The following MSRB3 variants were observed in gnomAD, a reference collection of about 807,000 sequenced individuals.
MSRB3 encodes methionine sulfoxide reductase B3, also known as methionine-R-sulfoxide reductase B3.
A neutral mutation model predicts 21.0 loss-of-function variants in MSRB3; 13 were observed. That is an observed-to-expected ratio of 0.62 (90% CI 0.40 to 0.98). The LOEUF (loss-of-function observed/expected upper bound fraction) is 0.98. MSRB3 is among the 50% of genes least tolerant of loss of function. The pLI is 0.00. For missense variants in MSRB3, 199 were observed against 230.3 expected, an observed-to-expected ratio of 0.86 and a Z score of 0.88; for synonymous variants, 87 against 88.6, an observed-to-expected ratio of 0.98 and a Z score of 0.10.
At chr12:65,295,193 G>T (rs930002867) in intron 1 of MSRB3, among the ~76,000 whole-genome samples, 2 of 152,092 alleles carry the variant, frequency 1.3e-5, no homozygotes, top group Non-Finnish European at 2.9e-5. Context: ...CCTTGAAAAA[G>T]TATCTAAAAA....
chr12:65,329,069 T>A (rs1451582780), intron 4 of MSRB3, among the ~76,000 whole-genome samples: 1 of 152,214 alleles, frequency 6.6e-6, no homozygotes, highest in Non-Finnish European at 1.5e-5. Flanking sequence ...GGAACATACC[T>A]TTACATAGGT....
chr12:65,432,817 G>A (rs10784457), intron 5 of MSRB3, among the ~76,000 whole-genome samples: 78,625 of 151,654 alleles, frequency 0.52, 21,182 homozygotes, highest in Non-Finnish European at 0.62. Flanking sequence ...CAATGTGAGC[G>A]TTTTTATGCA....
At chr12:65,426,424 T>C (rs1881603047) in intron 5 of MSRB3, among the ~76,000 whole-genome samples, 1 of 152,184 alleles carries the variant, frequency 6.6e-6, no homozygotes, top group African/African-American at 2.4e-5. Flanking sequence ...TAGCCTTATT[T>C]GAACTCCCTT....
intron 5 of MSRB3, among the ~76,000 whole-genome samples, chr12:65,449,779 A>G (rs1056908725): frequency 6.6e-6 from 1 of 152,214 alleles, no homozygotes; most frequent in African/African-American, 2.4e-5. Flanking sequence ...GGGAAGTGGA[A>G]GCTGTATAGC....
At chr12:65,370,844 T>TA (rs1878277737) in intron 5 of MSRB3, among the ~76,000 whole-genome samples, 1 of 152,218 alleles carries the variant, frequency 6.6e-6, no homozygotes, top group African/African-American at 2.4e-5. Flanking sequence ...GAATACTGAT[T>TA]AAAAGTTTAT....
At chr12:65,427,882 T>C (rs1201218156) in intron 5 of MSRB3, among the ~76,000 whole-genome samples, 2 of 152,110 alleles carry the variant, frequency 1.3e-5, no homozygotes, top group Non-Finnish European at 2.9e-5. Flanking sequence ...GGTTCTGGAG[T>C]ACAAATTAGC....
At chr12:65,331,001 T>C (rs934186589) in intron 4 of MSRB3, among the ~76,000 whole-genome samples, 2 of 152,222 alleles carry the variant, frequency 1.3e-5, no homozygotes, top group Non-Finnish European at 2.9e-5. Flanking sequence ...GTTGATTAAT[T>C]TGACAGTGAG....
chr12:65,281,392 C>G (rs949698950), intron 1 of MSRB3, among the ~76,000 whole-genome samples: 1 of 152,154 alleles, frequency 6.6e-6, no homozygotes, highest in Non-Finnish European at 1.5e-5. Context: ...TGTAACTCTT[C>G]AGAGCCACCT....
intron 5 of MSRB3, among the ~76,000 whole-genome samples, chr12:65,407,900 A>G (rs558098920): frequency 6.7e-5 from 10 of 148,638 alleles, no homozygotes; most frequent in Admixed American, 1.3e-4. Context: ...TTTTTCTTTG[A>G]TTCTTTCTTA....
intron 1 of MSRB3, among the ~76,000 whole-genome samples, chr12:65,294,609 A>G (rs1872846383): frequency 1.3e-5 from 2 of 152,034 alleles, no homozygotes; most frequent in African/African-American, 2.4e-5. Flanking sequence ...TGTGCGAGCA[A>G]TTTGTTTTCC....
chr12:65,316,410 A>G (rs2136434154), intron 2 of MSRB3: 1 of 152,270 alleles, frequency 6.6e-6, no homozygotes, highest in Admixed American at 6.5e-5. Flanking sequence ...GGGAAATGTC[A>G]TGGGTTTGAT....
intron 4 of MSRB3, among the ~76,000 whole-genome samples, chr12:65,365,323 C>T (rs1240852478): frequency 6.6e-6 from 1 of 152,096 alleles, no homozygotes; most frequent in Admixed American, 6.6e-5. Flanking sequence ...GCCAGGCCCC[C>T]ACTGTGGGGT....
intron 1 of MSRB3, among the ~76,000 whole-genome samples, chr12:65,290,900 G>T (rs768634218): frequency 6.6e-6 from 1 of 152,280 alleles, no homozygotes; most frequent in African/African-American, 2.4e-5. Flanking sequence ...AACCAAGGGA[G>T]TTCATGAGGG....
chr12:65,350,280 G>A (rs1227813637), intron 4 of MSRB3, among the ~76,000 whole-genome samples: 4 of 151,358 alleles, frequency 2.6e-5, no homozygotes, highest in African/African-American at 9.7e-5. Flanking sequence ...TCTCTGTTTT[G>A]GTACCAGTAC....
At chr12:65,440,266 A>T (rs1882308953) in intron 5 of MSRB3, among the ~76,000 whole-genome samples, 1 of 151,828 alleles carries the variant, frequency 6.6e-6, no homozygotes, top group African/African-American at 2.4e-5. Flanking sequence ...CTTTTTAACT[A>T]AGTCTGGTAG....
intron 1 of MSRB3, among the ~76,000 whole-genome samples, chr12:65,300,376 G>A (rs2136409948): frequency 6.6e-6 from 1 of 152,194 alleles, no homozygotes; most frequent in South Asian, 2.1e-4. Flanking sequence ...AATCTCTTTG[G>A]GATATTTAGG....
chr12:65,432,252 T>C (rs1881911031), intron 5 of MSRB3, among the ~76,000 whole-genome samples: 1 of 152,008 alleles, frequency 6.6e-6, no homozygotes, highest in East Asian at 1.9e-4. Flanking sequence ...AAAATGTAAG[T>C]CCTTGGAATG....
chr12:65,441,665 A>G (rs1882386277), intron 5 of MSRB3, among the ~76,000 whole-genome samples: 1 of 151,986 alleles, frequency 6.6e-6, no homozygotes, highest in African/African-American at 2.4e-5. Context: ...AGCATAATAA[A>G]CAGTTATGAT....
chr12:65,370,158 T>C (rs1459890782), intron 5 of MSRB3, among the ~76,000 whole-genome samples: 1 of 152,162 alleles, frequency 6.6e-6, no homozygotes, highest in Non-Finnish European at 1.5e-5. Flanking sequence ...TAGTATAAGA[T>C]AAACATTTTT....
Sources: gnomAD v4.1 joint callset for allele counts (sites outside exome capture counted in the v4.1 genomes callset) on GRCh38, gnomAD v4.1.1 for gene constraint, MANE v1.5 for transcripts, NCBI Gene and HGNC (gene_info 2026-07-23, HGNC 2026-07-21) for gene names.